The following CEP63 variants were observed in gnomAD, a reference collection of about 807,000 sequenced individuals.
CEP63 encodes the protein centrosomal protein 63.
A neutral mutation model predicts 89.1 loss-of-function variants in CEP63; 84 were observed. The ratio of observed to expected loss-of-function variants is 0.94; its 90% CI spans 0.79 to 1.13. The LOEUF (loss-of-function observed/expected upper bound fraction) is 1.13, where lower values mean the gene tolerates loss of function less well. Ranked by LOEUF, CEP63 falls within the 50% of genes most tolerant of loss-of-function variation. The pLI, the probability that CEP63 is intolerant of heterozygous loss-of-function variation, is 0.00. For missense variants in CEP63, 838 were observed against 813.3 expected (o/e 1.03, Z -0.37); for synonymous variants, 267 against 272.5 (o/e 0.98, Z 0.20).
chr3:134,618,323 G>A, the CEP63 span, among the ~76,000 whole-genome samples: 1 of 152,142 alleles, frequency 6.6e-6, no homozygotes, highest in South Asian at 2.1e-4. Flanking sequence ...TTGGTTTGAT[G>A]AATTGCCACC....
chr3:134,664,409 C>G, the CEP63 span, among the ~76,000 whole-genome samples: 2 of 152,172 alleles, frequency 1.3e-5, no homozygotes, highest in African/African-American at 2.4e-5. Flanking sequence ...CAAACCTGAA[C>G]CTAGGACACA....
chr3:134,697,633 C>T, the CEP63 span, among the ~76,000 whole-genome samples: 1 of 152,218 alleles, frequency 6.6e-6, no homozygotes, highest in Admixed American at 6.5e-5. Context: ...ATGATTGTAC[C>T]CACACCTGCA....
chr3:134,652,382 C>G, the CEP63 span, among the ~76,000 whole-genome samples: 1 of 152,090 alleles, frequency 6.6e-6, no homozygotes, highest in African/African-American at 2.4e-5. Context: ...AGGTCTTCCT[C>G]CAATAACAGT....
chr3:134,602,273 G>A, the CEP63 span, among the ~76,000 whole-genome samples: 1 of 152,126 alleles, frequency 6.6e-6, no homozygotes, highest in Admixed American at 6.5e-5. Flanking sequence ...CCTCGCTGAA[G>A]TCAGCCTTTC....
At position 134,486,562 on chromosome 3, in the gene CEP63, C is replaced by T. The variant is rs1382022202; in HGVS notation, c.-26+360C>T. On this transcript the variant is annotated intron_variant, in intron 1 of 14. Transcript: ENST00000675561. Reference sequence around the variant, plus strand: ...GCGCTTCGGAGAGTGGCCAGGTGGGCGAGCGAGCTGCGCCCAGTACTCACC... The same window carrying T: ...GCGCTTCGGAGAGTGGCCAGGTGGGTGAGCGAGCTGCGCCCAGTACTCACC... 6.1e-6 allele frequency: 6 copies of T among 983,502 alleles called. No individual in the cohort carries two copies. In the African/African-American group the frequency reaches 1.1e-4, roughly 17 times the overall value. 60.9% of individuals were successfully genotyped at this position (983,502 alleles called of 1,614,324 possible). A position where few individuals can be genotyped will look rare whatever the true frequency, so the allele number is the denominator to read the frequency against.
Position 134,537,281 on chromosome 3 carries a change from CTT to C in CEP63, c.555+17_555+18del, listed in dbSNP as rs770951631. On this transcript the variant is annotated intron_variant, in intron 6 of 14. Coordinates refer to ENST00000675561, the MANE Select transcript of CEP63 (RefSeq NM_001353108.3). Reference sequence around the variant, plus strand: ...AGAGATAATTCAGGTAGGCCTAAGACTTTTTAAAATAATGAGAAGCAGATAGG... The same window carrying C: ...AGAGATAATTCAGGTAGGCCTAAGACTTTAAAATAATGAGAAGCAGATAGG... 6.6e-7 allele frequency: 1 copy of C among 1,519,556 alleles called. No homozygotes were observed. The highest frequency in any genetic ancestry group is 9.1e-7 in the Non-Finnish European group (1 of 1,093,618). 94.1% of individuals were successfully genotyped at this position (1,519,556 alleles called of 1,614,324 possible).
the CEP63 span, among the ~76,000 whole-genome samples, chr3:134,682,247 T>C: frequency 6.6e-6 from 1 of 152,196 alleles, no homozygotes; most frequent in Non-Finnish European, 1.5e-5. Flanking sequence ...TACTTCTGAG[T>C]GCCCTGGAGG....
chr3:134,552,629 T>TACATC (rs1247034580), intron 12 of CEP63: 2 of 152,150 alleles, frequency 1.3e-5, no homozygotes, highest in Admixed American at 1.3e-4. Flanking sequence ...AAGTATGCAA[T>TACATC]ACATCCTAGA....
chr3:134,623,876 C>G, the CEP63 span, among the ~76,000 whole-genome samples: 1 of 152,148 alleles, frequency 6.6e-6, no homozygotes, highest in South Asian at 2.1e-4. Context: ...TTGCCCCAGC[C>G]CCTTTGATGG....
chr3:134,532,658 A>G lies in CEP63; in HGVS notation c.319-120A>G, dbSNP rs562745341. 1.8e-5 allele frequency: 13 copies of G among 702,950 alleles called. No individual in the cohort carries two copies. The East Asian group carries it at 3.4e-4, about 18-fold the overall frequency. The allele number at this position is 702,950 out of a possible 1,614,324, so 43.5% of individuals were successfully genotyped here. The stretch of plus-strand genomic sequence containing the variant: ...TTTCCTTTTGTGTTTTAGTTTGGAA[A>G]TCTAACATGTTCTCAGTAGTACTGG... On this transcript the variant is annotated intron_variant, in intron 4 of 14. Transcript: ENST00000675561.
chr3:134,541,972 A>C (rs7430834), intron 6 of CEP63, among the ~76,000 whole-genome samples: 20,118 of 152,234 alleles, frequency 0.13, 1,563 homozygotes, highest in East Asian at 0.21. Flanking sequence ...TCTAAAACTA[A>C]GGTCATTTCT....
chr3:134,538,533 G>GTATATGTATATATA (rs1951281195), intron 6 of CEP63, among the ~76,000 whole-genome samples: 1 of 101,372 alleles, frequency 9.9e-6, no homozygotes, highest in Non-Finnish European at 2.1e-5. Context: ...GTGTGTGTGT[G>GTATATGTATATATA]TATATATATA....
At chr3:134,713,935 A>G in the CEP63 span, among the ~76,000 whole-genome samples, 2 of 152,218 alleles carry the variant, frequency 1.3e-5, no homozygotes, top group East Asian at 3.8e-4. Flanking sequence ...CTGGTGCATA[A>G]CAAGTGCTCA....
At chr3:134,515,444 T>C (rs185129788) in intron 3 of CEP63, among the ~76,000 whole-genome samples, 19 of 152,254 alleles carry the variant, frequency 1.2e-4, no homozygotes, top group African/African-American at 4.3e-4. Flanking sequence ...TATAAAAACA[T>C]TGAAATTAAA....
At chr3:134,630,765 A>G in the CEP63 span, among the ~76,000 whole-genome samples, 1 of 152,232 alleles carries the variant, frequency 6.6e-6, no homozygotes, top group African/African-American at 2.4e-5. Context: ...AAGACTCAGG[A>G]AAGTCTTAAT....
chr3:134,700,907 C>T, the CEP63 span, among the ~76,000 whole-genome samples: 2 of 152,152 alleles, frequency 1.3e-5, no homozygotes, highest in East Asian at 1.9e-4. Context: ...TCTCCCTTGG[C>T]TGGTCTGCCA....
At chr3:134,725,234 C>T in the CEP63 span, among the ~76,000 whole-genome samples, 236 of 152,180 alleles carry the variant, frequency 1.6e-3, no homozygotes, top group Non-Finnish European at 2.9e-3. Context: ...AATTTGTAAT[C>T]GTCTATAATT....
chr3:134,587,823 A>G (rs1958516143), downstream of CEP63, among the ~76,000 whole-genome samples: 2 of 151,548 alleles, frequency 1.3e-5, no homozygotes, highest in African/African-American at 4.9e-5. Flanking sequence ...CCATCTTGGA[A>G]TGGACCCCCC....
downstream of CEP63, among the ~76,000 whole-genome samples, chr3:134,578,888 T>C (rs1458944393): frequency 1.3e-5 from 2 of 152,242 alleles, no homozygotes; most frequent in African/African-American, 4.8e-5. Flanking sequence ...CAGTTTCTTT[T>C]GCTGTGGAGA....
Sources: allele counts gnomAD v4.1 joint callset (sites outside exome capture counted in the v4.1 genomes callset), GRCh38; gene constraint gnomAD v4.1.1; transcripts MANE v1.5; gene names NCBI Gene and HGNC (gene_info 2026-07-23, HGNC 2026-07-21).